The following DYM variants were observed in gnomAD, a reference collection of about 807,000 sequenced individuals.
DYM encodes dyggve-Melchior-Clausen syndrome protein.
DYM carries 78 observed loss-of-function variants against 93.1 expected under a neutral mutation model. The observed-to-expected ratio is 0.84, with a 90% confidence interval of 0.70 to 1.01. The LOEUF (loss-of-function observed/expected upper bound fraction) is 1.01, where lower values mean the gene tolerates loss of function less well. DYM is among the 50% of genes least tolerant of loss of function. DYM has a pLI of 0.00. For synonymous variants in DYM, 321 were observed against 319.7 expected (o/e 1.00, Z -0.04); for missense variants, 789 against 845.0 (o/e 0.93, Z 0.82).
chr18:49,258,591 T>G, intron 11 of DYM, 98 bp from the exon 12 acceptor site: 1 of 787,966 alleles, frequency 1.3e-6, no homozygotes, highest in Non-Finnish European at 2.2e-6. Context: ...GACTTTGCTC[T>G]GAAGGTGAGT....
chr18:49,269,843 G>A (rs1045444291), intron 11 of DYM, among the ~76,000 whole-genome samples: 3 of 152,092 alleles, frequency 2.0e-5, no homozygotes, highest in East Asian at 1.9e-4. Context: ...TAAAGTCTAC[G>A]ATAGCATACA....
At chr18:49,162,487 T>G (rs1020865004) in intron 15 of DYM, among the ~76,000 whole-genome samples, 1 of 152,196 alleles carries the variant, frequency 6.6e-6, no homozygotes, top group African/African-American at 2.4e-5. Flanking sequence ...GCTAACCTAT[T>G]AATCCATTAA....
chr18:49,258,551 A>G, intron 11 of DYM, 58 bp from the exon 12 acceptor site: 1 of 1,075,844 alleles, frequency 9.3e-7, no homozygotes, highest in South Asian at 1.3e-5. Flanking sequence ...CAAAAGAATT[A>G]CTCCATGTCC....
intron 17 of DYM, among the ~76,000 whole-genome samples, chr18:49,074,596 TTCAAAACTAGGGC>T (rs1377284303): frequency 2.0e-5 from 3 of 152,186 alleles, no homozygotes; most frequent in Non-Finnish European, 4.4e-5. Context: ...AAACGTTTGA[TTCAAAACTAGGGC>T]TCATTACCTG....
rs994262246 is a variant in DYM, at chr18:49,039,742, C to A, written c.*4313G>T. On this transcript the variant is annotated 3_prime_UTR_variant, in exon 18 of 18. Coordinates refer to ENST00000675505, the MANE Select transcript of DYM (RefSeq NM_001353214.3). ...CTTTAGTTATAGAATTTCCAATGCGCCTTTTACAGTTTCTAACTCTCTGTT... is the reference window on the plus strand; with the variant it reads ...CTTTAGTTATAGAATTTCCAATGCGACTTTTACAGTTTCTAACTCTCTGTT... 1.1e-4 allele frequency among the ~76,000 whole-genome samples: 16 copies of A among 152,172 alleles called. No homozygotes were observed. Among genetic ancestry groups the A allele is most frequent in the African/African-American group, 3.6e-4 (15 of 41,436 alleles).
Position 49,181,075 on chromosome 18 carries a change from C to G in DYM, c.1626-17288G>C, listed in dbSNP as rs534472405. ...GTCCAGGCTGCAGGCCGTTAGTATG[C>G]AGTTTCTGATTTGGAGAATCACTGG... is the stretch of plus-strand genomic sequence containing the variant. On this transcript the variant is annotated intron_variant, in intron 14 of 17. Transcript: ENST00000675505. 3.3e-5 allele frequency among the ~76,000 whole-genome samples: 5 copies of G among 152,264 alleles called. No homozygotes were observed. The East Asian group carries it at 5.8e-4, about 18-fold the overall frequency.
At chr18:49,157,420 G>A (rs1383904518) in intron 15 of DYM, among the ~76,000 whole-genome samples, 2 of 152,048 alleles carry the variant, frequency 1.3e-5, no homozygotes, top group African/African-American at 4.8e-5. Flanking sequence ...TCATGCCAAG[G>A]ATCCTACCTC....
intron 13 of DYM, among the ~76,000 whole-genome samples, chr18:49,229,351 A>G (rs2144358710): frequency 6.6e-6 from 1 of 152,220 alleles, no homozygotes; most frequent in East Asian, 1.9e-4. Context: ...GAAGAAATAA[A>G]TGTTTGCAAA....
intron 13 of DYM, among the ~76,000 whole-genome samples, chr18:49,245,280 A>G (rs1215671225): frequency 1.3e-5 from 2 of 152,242 alleles, no homozygotes; most frequent in Admixed American, 1.3e-4. Context: ...GCACCCTGAA[A>G]AAGAACAGAA....
chr18:49,095,323 G>C (rs548111313), intron 17 of DYM, among the ~76,000 whole-genome samples: 1 of 152,048 alleles, frequency 6.6e-6, no homozygotes, highest in Non-Finnish European at 1.5e-5. Flanking sequence ...AGGATAAACA[G>C]CCTTTTATTT....
intron 17 of DYM, among the ~76,000 whole-genome samples, chr18:49,045,420 C>A (rs2071347528): frequency 6.6e-6 from 1 of 152,240 alleles, no homozygotes; most frequent in African/African-American, 2.4e-5. Flanking sequence ...AACTATGTCC[C>A]AGACACACTG....
At chr18:49,366,953 A>C (rs1347837899) in intron 5 of DYM, among the ~76,000 whole-genome samples, 1 of 152,172 alleles carries the variant, frequency 6.6e-6, no homozygotes, top group Non-Finnish European at 1.5e-5. Flanking sequence ...TATACTCTCA[A>C]GGAAAAAAAT....
chr18:49,393,898 T>C (rs186588927), intron 2 of DYM, among the ~76,000 whole-genome samples: 5 of 152,192 alleles, frequency 3.3e-5, no homozygotes, highest in Admixed American at 3.3e-4. Context: ...AGATAAATAT[T>C]GTATGATTCC....
At chr18:49,185,445 C>T (rs2090345192) in intron 14 of DYM, among the ~76,000 whole-genome samples, 1 of 152,084 alleles carries the variant, frequency 6.6e-6, no homozygotes, top group African/African-American at 2.4e-5. Context: ...ACAGTCTAGA[C>T]AGGTAGAAGT....
chr18:49,250,237 A>T (rs1017901145), intron 13 of DYM, among the ~76,000 whole-genome samples: 1 of 152,238 alleles, frequency 6.6e-6, no homozygotes, highest in Non-Finnish European at 1.5e-5. Flanking sequence ...TCTGTAAAGT[A>T]ATGCAAAGAA....
In DYM at chr18:49,258,624, C is replaced by T. The variant is rs867754317; in HGVS notation, c.1252-131G>A. ...AGTTAAGCAGCACAGACAGAGGCCA[C>T]GCAAATGAGTCCAGATCTTCAAGGA... On this transcript the variant is annotated intron_variant, in intron 11 of 17. Coordinates refer to ENST00000675505, the MANE Select transcript of DYM (RefSeq NM_001353214.3). 400 of 686,186 alleles carry T rather than the reference C, an allele frequency of 5.8e-4. 1 individual carries two copies. Among genetic ancestry groups the T allele is most frequent in the Middle Eastern group, 3.0e-3 (8 of 2,648 alleles). The allele number at this position is 686,186 out of a possible 1,614,324, so 42.5% of individuals were successfully genotyped here.
intron 2 of DYM, among the ~76,000 whole-genome samples, chr18:49,396,265 TAAG>T (rs2070064836): frequency 6.6e-6 from 1 of 152,114 alleles, no homozygotes; most frequent in African/African-American, 2.4e-5. Context: ...GTACAGCCAT[TAAG>T]GACAACAGTA....
chr18:49,443,771 G>A (rs762540016), intron 1 of DYM, among the ~76,000 whole-genome samples: 4 of 152,152 alleles, frequency 2.6e-5, no homozygotes, highest in Admixed American at 1.3e-4. Flanking sequence ...GGCTGCAACC[G>A]AAGTAAATTT....
In DYM at chr18:49,430,397, T is replaced by C. The variant is rs1397005205; in HGVS notation, c.-3A>G. 2.5e-6 allele frequency: 4 copies of C among 1,613,490 alleles called. No homozygotes were observed. The highest frequency in any genetic ancestry group is 3.4e-6 in the Non-Finnish European group (4 of 1,180,008). ...ATTCTGCTGCTATTCGATCCCATCTTCTAGCTTAAGCAGATAATTTGTCCT... is the reference window on the plus strand; with the variant it reads ...ATTCTGCTGCTATTCGATCCCATCTCCTAGCTTAAGCAGATAATTTGTCCT... On this transcript the variant is annotated 5_prime_UTR_variant, in exon 2 of 18. Transcript: ENST00000675505.
Sources: gnomAD v4.1 joint callset for allele counts (sites outside exome capture counted in the v4.1 genomes callset) on GRCh38, gnomAD v4.1.1 for gene constraint, MANE v1.5 for transcripts, NCBI Gene and HGNC (gene_info 2026-07-23, HGNC 2026-07-21) for gene names.